LRRC52: variants seen among roughly 807,000 people sequenced by gnomAD.
LRRC52 encodes the protein leucine rich repeat containing 52.
Under a neutral mutation model 14.7 loss-of-function variants are expected in LRRC52, and 15 were observed. That is an observed-to-expected ratio of 1.02 (90% CI 0.68 to 1.58). The LOEUF is 1.58. Among genes scored for constraint, LRRC52 ranks in the 40% most tolerant of loss-of-function variants. The pLI, the probability that LRRC52 is intolerant of heterozygous loss-of-function variation, is 0.00. For synonymous variants in LRRC52, 180 were observed against 163.9 expected, an observed-to-expected ratio of 1.10 and a Z score of -0.75; for missense variants, 400 against 387.7, an observed-to-expected ratio of 1.03 and a Z score of -0.27.
intron 1 of LRRC52, among the ~76,000 whole-genome samples, chr1:165,545,890 A>G (rs1661012319): frequency 6.6e-6 from 1 of 152,124 alleles, no homozygotes; most frequent in African/African-American, 2.4e-5. Context: ...TGGGTAGAAA[A>G]TCAAATCCTG....
rs145989841 is a variant in LRRC52, at chr1:165,544,776, C to T, written c.480C>T (p.Thr160=). ...TGAGGTACCTGGACCTCAGAAATAC[C>T]GGCTTGCAGACCCTGGACAGTGCTG... ...TSLRYLDLRN[T]GLQTLDSAAL... Residue 160 remains threonine (T), a synonymous_variant, in exon 1 of 2, where the codon ACC becomes ACT. Coordinates refer to ENST00000294818, the MANE Select transcript of LRRC52 (RefSeq NM_001005214.4). 2.6e-4 allele frequency: 418 copies of T among 1,614,060 alleles called. No homozygotes were observed. In the Middle Eastern group the frequency reaches 3.5e-3, roughly 13 times the overall value.
chr1:165,552,549 A>G (rs755981343), intron 1 of LRRC52, among the ~76,000 whole-genome samples: 1 of 152,208 alleles, frequency 6.6e-6, no homozygotes, highest in East Asian at 1.9e-4. Flanking sequence ...CGTTCAAGCC[A>G]GACAGTATGG....
Position 165,563,884 on chromosome 1 carries a change from C to A in LRRC52, c.*60C>A. ...GGCTCCCTGCTTTCTCTCTTGCCCT[C>A]CCCATCCCACCACCTTGGAGCTGTC... On this transcript the variant is annotated 3_prime_UTR_variant, in exon 2 of 2. Transcript: ENST00000294818. 2 of 1,498,426 alleles carry A rather than the reference C, an allele frequency of 1.3e-6. No homozygotes were observed. The highest frequency in any genetic ancestry group is 2.3e-5 in the East Asian group (1 of 44,208). The allele number at this position is 1,498,426 out of a possible 1,614,324, so 92.8% of individuals were successfully genotyped here.
intron 1 of LRRC52, among the ~76,000 whole-genome samples, chr1:165,545,157 T>G (rs887050915): frequency 3.3e-5 from 5 of 152,172 alleles, no homozygotes; most frequent in African/African-American, 1.2e-4. Context: ...TGGCTACCCT[T>G]GAAAATGTCA....
chr1:165,560,826 AGT>A (rs1661324874), intron 1 of LRRC52, among the ~76,000 whole-genome samples: 2 of 152,214 alleles, frequency 1.3e-5, no homozygotes. Context: ...GGTTACCAGC[AGT>A]GCTGAGAAGG....
chr1:165,558,273 G>A (rs969357457), intron 1 of LRRC52, among the ~76,000 whole-genome samples: 6 of 152,196 alleles, frequency 3.9e-5, no homozygotes, highest in Admixed American at 3.3e-4. Context: ...TGTAGTTAAT[G>A]CCTGGCCCAC....
intron 1 of LRRC52, among the ~76,000 whole-genome samples, chr1:165,554,671 G>A (rs1661198855): frequency 6.6e-6 from 1 of 152,136 alleles, no homozygotes. Context: ...CTGACCTCAA[G>A]TGATCCACCC....
intron 1 of LRRC52, among the ~76,000 whole-genome samples, chr1:165,548,366 C>T (rs1661065475): frequency 6.7e-6 from 1 of 150,204 alleles, no homozygotes; most frequent in Admixed American, 6.6e-5. Context: ...CAAACAAGTG[C>T]TCATGAAGGT....
Position 165,563,809 on chromosome 1 carries a change from C to G in LRRC52, c.927C>G (p.Phe309Leu). ...CCCAGACGAGCTCGGTCCAGGAGTTCCCTCAGCTTATTTAGTTGCCAGAGA... is the reference window on the plus strand; with the variant it reads ...CCCAGACGAGCTCGGTCCAGGAGTTGCCTCAGCTTATTTAGTTGCCAGAGA... The part of the protein sequence containing the change: ...FQTQTSSVQE[F>L]PQLI The change falls in exon 2 of 2, where the codon TTC (phenylalanine) becomes TTG (leucine). Residue 309 changes from phenylalanine (F) to leucine (L), a missense_variant. By Grantham distance (22) the Phe-to-Leu change is conservative. Transcript: ENST00000294818. The G allele has an allele frequency of 1.9e-6, 3 of 1,613,864 alleles. No homozygotes were observed. In the South Asian group the frequency reaches 3.3e-5, roughly 18 times the overall value.
chr1:165,546,598 C>T (rs1438709568), intron 1 of LRRC52, among the ~76,000 whole-genome samples: 1 of 152,002 alleles, frequency 6.6e-6, no homozygotes, highest in East Asian at 1.9e-4. Flanking sequence ...TCTTCTTTTG[C>T]CCCTCCCCAC....
intron 1 of LRRC52, among the ~76,000 whole-genome samples, chr1:165,545,358 T>C (rs1384844272): frequency 6.6e-6 from 1 of 152,152 alleles, no homozygotes; most frequent in African/African-American, 2.4e-5. Flanking sequence ...AGCAACTGAA[T>C]TTTTCCAGGA....
intron 1 of LRRC52, among the ~76,000 whole-genome samples, chr1:165,554,450 T>TGTTGTC (rs1390137127): frequency 2.0e-5 from 3 of 151,994 alleles, no homozygotes; most frequent in Non-Finnish European, 2.9e-5. Context: ...TTGTTGTTGT[T>TGTTGTC]GTTTTTTGGA....
chr1:165,559,187 G>A (rs1231680274), intron 1 of LRRC52, among the ~76,000 whole-genome samples: 2 of 152,162 alleles, frequency 1.3e-5, no homozygotes, highest in South Asian at 2.1e-4. Context: ...TCAGGAGTCC[G>A]AGACCAGCCT....
intron 1 of LRRC52, among the ~76,000 whole-genome samples, chr1:165,556,550 T>C (rs1318905941): frequency 6.6e-6 from 1 of 152,230 alleles, no homozygotes; most frequent in African/African-American, 2.4e-5. Context: ...TGGGTCTTCA[T>C]TGCACCTACT....
At chr1:165,557,756 G>A (rs1176879961) in intron 1 of LRRC52, among the ~76,000 whole-genome samples, 4 of 152,182 alleles carry the variant, frequency 2.6e-5, no homozygotes, top group East Asian at 1.9e-4. Context: ...AGAAGTTGAC[G>A]AAGTGCTTGA....
At chr1:165,556,186 T>C (rs2101830566) in intron 1 of LRRC52, among the ~76,000 whole-genome samples, 1 of 152,344 alleles carries the variant, frequency 6.6e-6, no homozygotes, top group South Asian at 2.1e-4. Context: ...TGAGAAGGAA[T>C]TATGAGAAAA....
At chr1:165,562,413 A>C (rs1232045631) in intron 1 of LRRC52, among the ~76,000 whole-genome samples, 1 of 152,150 alleles carries the variant, frequency 6.6e-6, no homozygotes, top group East Asian at 1.9e-4. Context: ...TCACACAAGC[A>C]CTCAGCCTCA....
intron 1 of LRRC52, among the ~76,000 whole-genome samples, chr1:165,557,802 C>T (rs1661269134): frequency 6.6e-6 from 1 of 152,010 alleles, no homozygotes; most frequent in South Asian, 2.1e-4. Context: ...ATAATTTCCT[C>T]ACTGAGAAGT....
At chr1:165,558,898 A>C (rs116996797) in intron 1 of LRRC52, among the ~76,000 whole-genome samples, 1,839 of 152,360 alleles carry the variant, frequency 0.012, 78 homozygotes, top group Admixed American at 0.064. Context: ...AAGTAAACGG[A>C]CGGAAGAAGA....
Sources: gnomAD v4.1 joint callset for allele counts (sites outside exome capture counted in the v4.1 genomes callset) on GRCh38, gnomAD v4.1.1 for gene constraint, MANE v1.5 for transcripts, NCBI Gene and HGNC (gene_info 2026-07-23, HGNC 2026-07-21) for gene names.